The following ARHGAP12 variants were observed in gnomAD, a reference collection of about 807,000 sequenced individuals.
The protein encoded by ARHGAP12 is Rho GTPase activating protein 12.
Under a neutral mutation model 108.6 loss-of-function variants are expected in ARHGAP12, and 64 were observed. The ratio of observed to expected loss-of-function variants is 0.59; its 90% CI spans 0.48 to 0.73. The LOEUF (loss-of-function observed/expected upper bound fraction) is 0.73, where lower values mean the gene tolerates loss of function less well. Ranked by LOEUF, ARHGAP12 falls within the 30% of genes least tolerant of loss-of-function variation. ARHGAP12 has a pLI of 0.00. For synonymous variants in ARHGAP12, 312 were observed against 337.2 expected, an observed-to-expected ratio of 0.93 and a Z score of 0.82; for missense variants, 940 against 1,005.9, an observed-to-expected ratio of 0.93 and a Z score of 0.89.
At chr10:31,844,082 A>G (rs564745354) in intron 6 of ARHGAP12, among the ~76,000 whole-genome samples, 3 of 152,346 alleles carry the variant, frequency 2.0e-5, no homozygotes, top group Admixed American at 2.0e-4. Flanking sequence ...AAAATGAACT[A>G]GTAAGTTCTT....
chr10:31,832,594 A>G (rs1835871905), intron 9 of ARHGAP12, among the ~76,000 whole-genome samples: 1 of 152,252 alleles, frequency 6.6e-6, no homozygotes, highest in South Asian at 2.1e-4. Flanking sequence ...ATCATTCAAC[A>G]TTACTAAGCA....
chr10:31,893,359 G>A (rs1350344230), intron 3 of ARHGAP12, among the ~76,000 whole-genome samples: 2 of 152,030 alleles, frequency 1.3e-5, no homozygotes, highest in Admixed American at 6.6e-5. Context: ...CAAGACTAAT[G>A]AAGAACAAAA....
At chr10:31,819,403 C>T (rs1835327591) in intron 12 of ARHGAP12, among the ~76,000 whole-genome samples, 1 of 152,122 alleles carries the variant, frequency 6.6e-6, no homozygotes, top group Non-Finnish European at 1.5e-5. Flanking sequence ...GAAGGCTGTC[C>T]ACAAAATCAG....
intron 3 of ARHGAP12, among the ~76,000 whole-genome samples, chr10:31,873,600 G>A (rs1837618191): frequency 6.6e-6 from 1 of 152,136 alleles, no homozygotes; most frequent in Non-Finnish European, 1.5e-5. Context: ...TAGGAGTTAA[G>A]AACATGACCA....
intron 3 of ARHGAP12, among the ~76,000 whole-genome samples, chr10:31,896,244 T>C (rs1047832825): frequency 6.9e-6 from 1 of 145,656 alleles, no homozygotes; most frequent in Non-Finnish European, 1.5e-5. Flanking sequence ...ATAATAAAAA[T>C]ATATATATAA....
intron 3 of ARHGAP12, among the ~76,000 whole-genome samples, chr10:31,875,067 A>G (rs542395827): frequency 6.6e-6 from 1 of 150,696 alleles, no homozygotes; most frequent in Non-Finnish European, 1.5e-5. Flanking sequence ...AGTTTCTGTC[A>G]CTTATTTCTG....
chr10:31,908,241 G>A lies in ARHGAP12; in HGVS notation c.615C>T (p.Gly205=), dbSNP rs1839214631. 2 of 1,613,754 alleles carry A rather than the reference G, an allele frequency of 1.2e-6. No individual in the cohort carries two copies. Among genetic ancestry groups the A allele is most frequent in the South Asian group, 2.2e-5 (2 of 91,070 alleles). Residue 205 remains glycine, a synonymous_variant, in exon 3 of 20, where the codon GGC becomes GGT. Transcript: ENST00000344936. ...CAGAATCTTGATGTATTCTTTCAGA[G>A]CCTTCTCCTGCGGAATCACAAGATT... is the stretch of plus-strand genomic sequence containing the variant. ...QEQSCDSAGE[G]SERIHQDSES...
chr10:31,808,625 C>T, intron 19 of ARHGAP12, 24 bp downstream of exon 19: 2 of 1,608,038 alleles, frequency 1.2e-6, no homozygotes, highest in Non-Finnish European at 1.7e-6. Flanking sequence ...TATACCACAT[C>T]CCATGACTGG....
intron 3 of ARHGAP12, among the ~76,000 whole-genome samples, chr10:31,906,555 A>C (rs1489613236): frequency 2.6e-5 from 4 of 152,176 alleles, no homozygotes; most frequent in African/African-American, 9.7e-5. Flanking sequence ...AAGTGGAAGG[A>C]AGGCAAGGTT....
chr10:31,899,891 A>G (rs1166947022), intron 3 of ARHGAP12, among the ~76,000 whole-genome samples: 1 of 152,206 alleles, frequency 6.6e-6, no homozygotes, highest in Non-Finnish European at 1.5e-5. Flanking sequence ...ATTAAAATTG[A>G]AAACTTTTGC....
At chr10:31,819,955 T>TAA (rs34560315) in intron 12 of ARHGAP12, among the ~76,000 whole-genome samples, 2 of 145,468 alleles carry the variant, frequency 1.4e-5, no homozygotes, top group South Asian at 2.2e-4. Flanking sequence ...TGGAAAGGTT[T>TAA]AAAAAAAAAA....
intron 3 of ARHGAP12, among the ~76,000 whole-genome samples, chr10:31,884,744 GAACA>G (rs1838128776): frequency 6.6e-6 from 1 of 152,108 alleles, no homozygotes; most frequent in African/African-American, 2.4e-5. Context: ...ACAACATTAA[GAACA>G]AACAACAAAA....
intron 1 of ARHGAP12, among the ~76,000 whole-genome samples, chr10:31,919,115 G>A (rs1025335750): frequency 1.6e-4 from 25 of 152,134 alleles, no homozygotes; most frequent in African/African-American, 2.7e-4. Context: ...TAGGGAAATC[G>A]CCAGTCACAA....
chr10:31,858,559 G>C (rs899364390), intron 4 of ARHGAP12, among the ~76,000 whole-genome samples: 1 of 152,076 alleles, frequency 6.6e-6, no homozygotes, highest in Non-Finnish European at 1.5e-5. Context: ...ATCCTGTCTC[G>C]GCGGCATCTC....
At chr10:31,915,542 T>C (rs993132955) in intron 1 of ARHGAP12, among the ~76,000 whole-genome samples, 8 of 152,224 alleles carry the variant, frequency 5.3e-5, no homozygotes, top group African/African-American at 1.9e-4. Flanking sequence ...GTGACTACAG[T>C]AAATGACAAT....
chr10:31,833,397 TG>T (rs1376308539), intron 9 of ARHGAP12, among the ~76,000 whole-genome samples: 2 of 149,494 alleles, frequency 1.3e-5, no homozygotes, highest in Non-Finnish European at 3.0e-5. Context: ...GAAAAATGGA[TG>T]GCATAGCAGT....
At chr10:31,842,482 C>T (rs1334150335) in intron 7 of ARHGAP12, among the ~76,000 whole-genome samples, 1 of 152,038 alleles carries the variant, frequency 6.6e-6, no homozygotes, top group African/African-American at 2.4e-5. Context: ...CTGTTACTTT[C>T]GTTGTTTTCT....
chr10:31,846,853 A>G (rs1836478124), intron 6 of ARHGAP12, among the ~76,000 whole-genome samples: 1 of 150,274 alleles, frequency 6.7e-6, no homozygotes, highest in Admixed American at 6.6e-5. Context: ...AATGAAAGGA[A>G]GGTTAGCTCT....
At chr10:31,836,738 C>T (rs958915461) in intron 9 of ARHGAP12, among the ~76,000 whole-genome samples, 3 of 151,944 alleles carry the variant, frequency 2.0e-5, no homozygotes, top group South Asian at 4.2e-4. Context: ...GAGAAAGAGA[C>T]GCAAGAATAC....
Sources: allele counts gnomAD v4.1 joint callset (sites outside exome capture counted in the v4.1 genomes callset), GRCh38; gene constraint gnomAD v4.1.1; transcripts MANE v1.5; gene names NCBI Gene and HGNC (gene_info 2026-07-23, HGNC 2026-07-21).